NFIB: variants seen among roughly 807,000 people sequenced by gnomAD.
NFIB encodes the protein nuclear factor I B, also known as nuclear factor 1 B-type.
NFIB carries 11 observed loss-of-function variants against 61.5 expected under a neutral mutation model. The observed-to-expected ratio is 0.18, with a 90% confidence interval of 0.11 to 0.30. The LOEUF is 0.30. NFIB is among the 10% of genes least tolerant of loss of function. The probability of loss-of-function intolerance (pLI) is 1.00; values close to 1 mark genes in which losing one functional copy is unlikely to be tolerated. For missense variants in NFIB, 471 were observed against 608.9 expected (o/e 0.77, Z 2.38); for synonymous variants, 260 against 216.5 (o/e 1.20, Z -1.76).
In NFIB at chr9:14,086,548, C is replaced by G; in HGVS notation, c.*1761G>C. 4.7e-6 allele frequency: 1 copy of G among 214,396 alleles called. No individual in the cohort carries two copies. Among genetic ancestry groups the G allele is most frequent in the East Asian group, 6.9e-5 (1 of 14,406 alleles). The allele number at this position is 214,396 out of a possible 1,614,324, so 13.3% of individuals were successfully genotyped here. A position where few individuals can be genotyped will look rare whatever the true frequency, so the allele number is the denominator to read the frequency against. ...ATGAAAGGTTAATAGAAAAAAACAC[C>G]AAAATACTGAAAATATTGCTGGTCG... On this transcript the variant is annotated 3_prime_UTR_variant, in exon 11 of 11. Transcript: ENST00000380953.
At chr9:14,114,264 A>G (rs1360229478) in intron 9 of NFIB, among the ~76,000 whole-genome samples, 1 of 152,226 alleles carries the variant, frequency 6.6e-6, no homozygotes, top group East Asian at 1.9e-4. Flanking sequence ...GGCAGCCATC[A>G]GCAACCAGTG....
the NFIB span, among the ~76,000 whole-genome samples, chr9:14,444,163 T>C: frequency 6.6e-6 from 1 of 152,210 alleles, no homozygotes; most frequent in Non-Finnish European, 1.5e-5. Context: ...AATTGAGATA[T>C]CAAATATGCT....
chr9:14,433,256 T>C, the NFIB span, among the ~76,000 whole-genome samples: 4 of 152,232 alleles, frequency 2.6e-5, no homozygotes, highest in Non-Finnish European at 4.4e-5. Flanking sequence ...CCCAGTCTTT[T>C]GGAAAATGTC....
intron 1 of NFIB, among the ~76,000 whole-genome samples, chr9:14,373,524 T>TA (rs2061382423): frequency 6.6e-6 from 1 of 152,126 alleles, no homozygotes; most frequent in Non-Finnish European, 1.5e-5. Context: ...GGTTTTTTTT[T>TA]AAAGGGGGAA....
the NFIB span, among the ~76,000 whole-genome samples, chr9:14,423,961 C>T: frequency 6.6e-6 from 1 of 152,150 alleles, no homozygotes; most frequent in Non-Finnish European, 1.5e-5. Context: ...TGCATCTCCA[C>T]CAGAGAATTC....
At chr9:14,185,240 C>A (rs2047215748) in intron 2 of NFIB, among the ~76,000 whole-genome samples, 1 of 152,094 alleles carries the variant, frequency 6.6e-6, no homozygotes, top group Non-Finnish European at 1.5e-5. Flanking sequence ...AAGAAGGTGA[C>A]CTTAGGAACA....
intron 2 of NFIB, among the ~76,000 whole-genome samples, chr9:14,230,961 C>G (rs879181045): frequency 2.0e-5 from 3 of 147,290 alleles, no homozygotes; most frequent in Non-Finnish European, 4.5e-5. Context: ...ATTCTGGTGG[C>G]GAAAGGCAAA....
chr9:14,135,325 CAAG>C (rs2040919205), intron 6 of NFIB, among the ~76,000 whole-genome samples: 1 of 152,048 alleles, frequency 6.6e-6, no homozygotes, highest in Non-Finnish European at 1.5e-5. Context: ...CATTACACTG[CAAG>C]AAGGAAAGCT....
rs994962509 is a variant in NFIB at position 14,204,889 on chromosome 9, G to C, written c.563-25109C>G. 1.7e-5 allele frequency: 6 copies of C among 362,910 alleles called. No individual in the cohort carries two copies. In the Admixed American group the frequency reaches 1.7e-4, roughly 11 times the overall value. The allele number at this position is 362,910 out of a possible 1,614,324, so 22.5% of individuals were successfully genotyped here. A position where few individuals can be genotyped will look rare whatever the true frequency, so the allele number is the denominator to read the frequency against. On this transcript the variant is annotated intron_variant, in intron 2 of 10. Coordinates refer to ENST00000380953, the MANE Select transcript of NFIB (RefSeq NM_001190737.2). ...TTAACTCAGAAGACAAAGGGGCTTT[G>C]GTTAAGCTGGTGGTAGCTATCAGAA...
At chr9:14,273,711 G>A (rs1432145134) in intron 2 of NFIB, among the ~76,000 whole-genome samples, 6 of 152,192 alleles carry the variant, frequency 3.9e-5, no homozygotes, top group Non-Finnish European at 7.3e-5. Context: ...GCAGTTTCCA[G>A]ATCATACACA....
chr9:14,398,582 A>G, exon 1 of NFIB: 9 of 1,535,316 alleles, frequency 5.9e-6, no homozygotes, highest in Non-Finnish European at 7.8e-6. Flanking sequence ...ACATTTCAGA[A>G]CTGCACAGCA....
At chr9:14,134,169 G>A (rs1288311758) in intron 6 of NFIB, among the ~76,000 whole-genome samples, 2 of 152,178 alleles carry the variant, frequency 1.3e-5, no homozygotes, top group East Asian at 3.9e-4. Context: ...GACATGCTTT[G>A]AAATTGCTTA....
intron 2 of NFIB, among the ~76,000 whole-genome samples, chr9:14,266,326 C>T (rs1265700138): frequency 3.9e-5 from 6 of 152,092 alleles, no homozygotes; most frequent in South Asian, 2.1e-4. Flanking sequence ...TGTGGTGACT[C>T]GCACCTGTAA....
In NFIB at chr9:14,357,505, C is replaced by A. The variant is rs1282827426; in HGVS notation, c.108+41019G>T. 4 of 152,162 alleles carry A rather than the reference C, an allele frequency of 2.6e-5. No homozygotes were observed. In the East Asian group the frequency reaches 7.7e-4, roughly 29 times the overall value. The allele number at this position is 152,162 out of a possible 1,614,324, so 9.4% of individuals were successfully genotyped here. On this transcript the variant is annotated intron_variant, in intron 1 of 8. Coordinates refer to the NFIB transcript ENST00000380934. ...ATAGACAGCACCCTCCTCCTCCCTA[C>A]CAAGAAATAGCAGGGTTGGAGGTAG...
At chr9:14,234,788 T>C (rs1370370534) in intron 2 of NFIB, among the ~76,000 whole-genome samples, 2 of 139,192 alleles carry the variant, frequency 1.4e-5, no homozygotes, top group South Asian at 2.4e-4. Flanking sequence ...CATTTGTTCG[T>C]TGAAATTTTT....
At chr9:14,512,821 C>G in the NFIB span, among the ~76,000 whole-genome samples, 1 of 151,004 alleles carries the variant, frequency 6.6e-6, no homozygotes, top group Non-Finnish European at 1.5e-5. Flanking sequence ...CAGAGTTAAG[C>G]TACCTTTACA....
the NFIB span, among the ~76,000 whole-genome samples, chr9:14,405,050 A>T: frequency 7.2e-5 from 11 of 152,190 alleles, no homozygotes; most frequent in East Asian, 1.9e-3. Flanking sequence ...TTGACCTATT[A>T]CCAGAGTTCT....
chr9:14,346,801 C>G (rs2061028709), intron 1 of NFIB, among the ~76,000 whole-genome samples: 1 of 152,148 alleles, frequency 6.6e-6, no homozygotes, highest in South Asian at 2.1e-4. Flanking sequence ...TTTTCTATCT[C>G]TAATTACCTG....
At chr9:14,385,980 G>C (rs533233792) in intron 1 of NFIB, among the ~76,000 whole-genome samples, 1 of 151,740 alleles carries the variant, frequency 6.6e-6, no homozygotes, top group African/African-American at 2.4e-5. Context: ...ACAGGGTTTC[G>C]CCATGTTTTC....
Sources: gnomAD v4.1 joint callset for allele counts (sites outside exome capture counted in the v4.1 genomes callset) on GRCh38, gnomAD v4.1.1 for gene constraint, MANE v1.5 for transcripts, NCBI Gene and HGNC (gene_info 2026-07-23, HGNC 2026-07-21) for gene names.